CDK8: variants seen among roughly 807,000 people sequenced by gnomAD.
CDK8 encodes the protein cyclin-dependent kinase 8.
Under a neutral mutation model 71.5 loss-of-function variants are expected in CDK8, and 29 were observed. The observed-to-expected ratio is 0.41, with a 90% CI of 0.30 to 0.55. CDK8 has a LOEUF of 0.55. CDK8 is among the 20% of genes least tolerant of loss of function. CDK8 has a pLI of 0.37. For missense variants in CDK8, 288 were observed against 572.6 expected, an observed-to-expected ratio of 0.50 and a Z score of 5.07; for synonymous variants, 161 against 192.1, an observed-to-expected ratio of 0.84 and a Z score of 1.34.
intron 2 of CDK8, among the ~76,000 whole-genome samples, chr13:26,345,523 A>G: frequency 6.6e-6 from 1 of 152,098 alleles, no homozygotes; most frequent in Non-Finnish European, 1.5e-5. Context: ...CTGGGATTAC[A>G]GGTGTGTGCC....
chr13:26,297,422 T>C (rs984780616), intron 1 of CDK8, among the ~76,000 whole-genome samples: 7 of 152,214 alleles, frequency 4.6e-5, no homozygotes, highest in Non-Finnish European at 8.8e-5. Flanking sequence ...CCTTGTTCTA[T>C]GGATCTTGGT....
At chr13:26,375,567 A>C (rs994238309) in intron 4 of CDK8, among the ~76,000 whole-genome samples, 1 of 152,254 alleles carries the variant, frequency 6.6e-6, no homozygotes, top group African/African-American at 2.4e-5. Context: ...TGCTTTTAGC[A>C]GTTTGTCCTA....
intron 4 of CDK8, among the ~76,000 whole-genome samples, chr13:26,367,702 AGAATGTTACACG>A (rs1461399298): frequency 6.6e-6 from 1 of 152,216 alleles, no homozygotes; most frequent in Non-Finnish European, 1.5e-5. Context: ...ATCACTATCC[AGAATGTTACACG>A]GTGCATATTG....
At chr13:26,319,048 G>A (rs1357909602) in intron 1 of CDK8, among the ~76,000 whole-genome samples, 1 of 152,064 alleles carries the variant, frequency 6.6e-6, no homozygotes, top group African/African-American at 2.4e-5. Flanking sequence ...ACACAAACAA[G>A]TAATAAATGA....
At chr13:26,324,808 A>G (rs2137953690) in intron 1 of CDK8, 4 of 893,930 alleles carry the variant, frequency 4.5e-6, no homozygotes, top group Non-Finnish European at 5.4e-6. Flanking sequence ...AGATAATTTA[A>G]GAAAGACTGA....
At chr13:26,332,838 C>T (rs28651245) in intron 1 of CDK8, among the ~76,000 whole-genome samples, 3,678 of 152,202 alleles carry the variant, frequency 0.024, 108 homozygotes, top group Non-Finnish European at 0.031. Flanking sequence ...CTTGTCTTAT[C>T]CAGCTTCATA....
At chr13:26,389,366 C>T (rs1875633543) in intron 6 of CDK8, among the ~76,000 whole-genome samples, 1 of 151,848 alleles carries the variant, frequency 6.6e-6, no homozygotes, top group South Asian at 2.1e-4. Context: ...TGCCATGTTG[C>T]CCAGGCTGGT....
chr13:26,271,619 G>A (rs6491115), intron 1 of CDK8, among the ~76,000 whole-genome samples: 4,333 of 151,826 alleles, frequency 0.029, 197 homozygotes, highest in African/African-American at 0.099. Flanking sequence ...ACCAGCCTGG[G>A]CAGTATACTT....
chr13:26,373,907 C>T (rs189125930), intron 4 of CDK8, among the ~76,000 whole-genome samples: 5 of 149,942 alleles, frequency 3.3e-5, no homozygotes, highest in African/African-American at 9.8e-5. Flanking sequence ...ATGGAACAGG[C>T]GCAGTGGCTC....
chr13:26,383,298 A>C (rs528866484), intron 5 of CDK8, among the ~76,000 whole-genome samples: 9 of 152,254 alleles, frequency 5.9e-5, no homozygotes, highest in Non-Finnish European at 1.3e-4. Flanking sequence ...TTGTTAATAC[A>C]AACTCTAGGG....
chr13:26,381,284 C>A (rs1238767975), intron 4 of CDK8, among the ~76,000 whole-genome samples: 1 of 152,164 alleles, frequency 6.6e-6, no homozygotes, highest in East Asian at 1.9e-4. Context: ...GCATTTTGCA[C>A]TATCTCAGAA....
At chr13:26,270,556 A>G (rs112593741) in intron 1 of CDK8, among the ~76,000 whole-genome samples, 379 of 152,262 alleles carry the variant, frequency 2.5e-3, no homozygotes, top group Non-Finnish European at 4.5e-3. Context: ...TCTAATCCTC[A>G]GTCCTAGACA....
intron 8 of CDK8, among the ~76,000 whole-genome samples, chr13:26,396,903 AAAAG>A (rs899151081): frequency 3.3e-5 from 5 of 152,120 alleles, no homozygotes; most frequent in Non-Finnish European, 5.9e-5. Flanking sequence ...ATGTGAAAAA[AAAAG>A]CTGTTTAGTG....
chr13:26,275,939 T>G (rs1410681195), intron 1 of CDK8, among the ~76,000 whole-genome samples: 1 of 152,192 alleles, frequency 6.6e-6, no homozygotes, highest in Non-Finnish European at 1.5e-5. Context: ...CTTGGCTCAC[T>G]GCAACCTCTG....
chr13:26,335,920 T>TAACAACAACAAC lies in CDK8; in HGVS notation c.129-1624_129-1613dup, dbSNP rs71080255. The stretch of plus-strand genomic sequence containing the variant: ...AAAATATAATTGATATTCTCTTGCT[T>TAACAACAACAAC]AACAACAACAACAACAACAACAACA... On this transcript the variant is annotated intron_variant, in intron 1 of 12. Transcript: ENST00000381527. Among the ~76,000 whole-genome samples the TAACAACAACAAC allele has an allele frequency of 2.0e-3, 305 of 150,084 alleles. 2 individuals carry two copies. The highest frequency in any genetic ancestry group is 6.1e-3 in the African/African-American group (249 of 40,666).
chr13:26,367,568 G>A (rs183253825), intron 4 of CDK8, among the ~76,000 whole-genome samples: 27 of 152,246 alleles, frequency 1.8e-4, no homozygotes, highest in Admixed American at 7.8e-4. Context: ...CCTTTGGGTA[G>A]AGATTGATGT....
chr13:26,357,748 C>CA (rs1873955574), intron 4 of CDK8, among the ~76,000 whole-genome samples: 2 of 152,172 alleles, frequency 1.3e-5, no homozygotes, highest in African/African-American at 4.8e-5. Context: ...GCTGGAGACC[C>CA]AGGAAAAAGT....
intron 2 of CDK8, among the ~76,000 whole-genome samples, chr13:26,348,852 C>T (rs964673306): frequency 6.6e-6 from 1 of 152,094 alleles, no homozygotes; most frequent in Non-Finnish European, 1.5e-5. Context: ...CAAACAACAA[C>T]AAAATAGATT....
intron 4 of CDK8, among the ~76,000 whole-genome samples, chr13:26,363,051 A>G (rs1304074729): frequency 6.7e-6 from 1 of 148,774 alleles, no homozygotes; most frequent in Non-Finnish European, 1.5e-5. Flanking sequence ...AATTTGGAGT[A>G]TTTCTCACGC....
Sources: allele counts gnomAD v4.1 joint callset (sites outside exome capture counted in the v4.1 genomes callset), GRCh38; gene constraint gnomAD v4.1.1; transcripts MANE v1.5; gene names NCBI Gene and HGNC (gene_info 2026-07-23, HGNC 2026-07-21).